GRIA4: variants seen among roughly 807,000 people sequenced by gnomAD.
GRIA4 encodes the protein glutamate ionotropic receptor AMPA type subunit 4, also known as glutamate receptor 4.
GRIA4 carries 34 observed loss-of-function variants against 104.0 expected under a neutral mutation model. The observed-to-expected ratio is 0.33, with a 90% confidence interval of 0.25 to 0.44. GRIA4 has a LOEUF of 0.44. Among genes scored for constraint, GRIA4 ranks in the 20% least tolerant of loss-of-function variants. GRIA4 has a pLI of 1.00. For synonymous variants in GRIA4, 386 were observed against 381.9 expected (o/e 1.01, Z -0.13); for missense variants, 750 against 1,096.5 (o/e 0.68, Z 4.46).
intron 14 of GRIA4, among the ~76,000 whole-genome samples, chr11:105,934,741 T>C (rs185392785): frequency 2.5e-4 from 38 of 152,300 alleles, no homozygotes; most frequent in Admixed American, 1.9e-3. Flanking sequence ...TTCATCCTTT[T>C]GGTCCTGGAC....
chr11:105,622,026 G>A (rs781327947), intron 3 of GRIA4, among the ~76,000 whole-genome samples: 60 of 151,012 alleles, frequency 4.0e-4, no homozygotes, highest in African/African-American at 6.3e-4. Flanking sequence ...TTTCTTTCTC[G>A]GTTGTGAGAG....
At chr11:105,800,226 T>A (rs1591277517) in intron 4 of GRIA4, among the ~76,000 whole-genome samples, 1 of 152,082 alleles carries the variant, frequency 6.6e-6, no homozygotes, top group East Asian at 1.9e-4. Flanking sequence ...TTTGCCAATG[T>A]CAAAGGTATA....
chr11:105,699,754 A>T (rs1326990837), intron 3 of GRIA4, among the ~76,000 whole-genome samples: 1 of 152,076 alleles, frequency 6.6e-6, no homozygotes, highest in Non-Finnish European at 1.5e-5. Context: ...CAGTTTAAAC[A>T]TCACCTTATC....
At chr11:105,852,419 A>G (rs984172646) in intron 4 of GRIA4, among the ~76,000 whole-genome samples, 90 of 152,302 alleles carry the variant, frequency 5.9e-4, no homozygotes, top group African/African-American at 2.0e-3. Context: ...TCCTACATTA[A>G]TCTTCTTCAT....
intron 14 of GRIA4, among the ~76,000 whole-genome samples, chr11:105,935,602 G>A (rs1212103504): frequency 2.0e-5 from 3 of 152,114 alleles, no homozygotes; most frequent in African/African-American, 7.2e-5. Flanking sequence ...AGGGAAAAAT[G>A]CAATGGTGAT....
chr11:105,700,954 A>C (rs1953467181), intron 3 of GRIA4, among the ~76,000 whole-genome samples: 1 of 152,150 alleles, frequency 6.6e-6, no homozygotes, highest in African/African-American at 2.4e-5. Context: ...ATCCATGAAC[A>C]TTTATGCCTC....
chr11:105,880,209 A>G (rs995905783), intron 5 of GRIA4, among the ~76,000 whole-genome samples: 1 of 152,230 alleles, frequency 6.6e-6, no homozygotes, highest in Non-Finnish European at 1.5e-5. Context: ...AATATTTTAA[A>G]TCACTAAATT....
intron 10 of GRIA4, chr11:105,913,199 C>T (rs1947305622): frequency 1.9e-5 from 7 of 366,994 alleles, no homozygotes; most frequent in Non-Finnish European, 2.3e-5. Flanking sequence ...ATCCTGCACT[C>T]AATGAAACTT....
At chr11:105,794,699 C>G (rs1342120410) in intron 4 of GRIA4, among the ~76,000 whole-genome samples, 2 of 149,926 alleles carry the variant, frequency 1.3e-5, no homozygotes, top group African/African-American at 4.9e-5. Flanking sequence ...AGATCTGAGA[C>G]CTGTCCTTAC....
chr11:105,948,594 T>G (rs556472907), intron 14 of GRIA4, among the ~76,000 whole-genome samples: 3 of 108,142 alleles, frequency 2.8e-5, no homozygotes, highest in African/African-American at 1.0e-4. Flanking sequence ...CTTTTCTTTT[T>G]GTTTTTTTTT....
intron 3 of GRIA4, among the ~76,000 whole-genome samples, chr11:105,713,159 G>A (rs1026141095): frequency 2.0e-5 from 3 of 152,082 alleles, no homozygotes; most frequent in African/African-American, 7.2e-5. Context: ...TAGGCAGGTG[G>A]ATCACTTGAG....
chr11:105,780,802 G>A lies in GRIA4; in HGVS notation c.487+27582G>A, dbSNP rs141258205. 6.9e-3 allele frequency among the ~76,000 whole-genome samples: 1,056 copies of A among 152,214 alleles called. 22 individuals are homozygous for A. Among genetic ancestry groups the A allele is most frequent in the African/African-American group, 0.024 (1,017 of 41,536 alleles). ...CAATGAAAATCATGCACTTTAGTCTGCAGGGAACTTGGCACACTCCAAACA... is the reference window on the plus strand; with the variant it reads ...CAATGAAAATCATGCACTTTAGTCTACAGGGAACTTGGCACACTCCAAACA... On this transcript the variant is annotated intron_variant, in intron 4 of 16. Transcript: ENST00000282499.
intron 3 of GRIA4, among the ~76,000 whole-genome samples, chr11:105,722,163 G>A (rs1937865887): frequency 6.6e-6 from 1 of 151,958 alleles, no homozygotes; most frequent in South Asian, 2.1e-4. Flanking sequence ...ATATTATTGA[G>A]GTAAGAATAT....
At chr11:105,792,468 GCACCATTT>G (rs1297598746) in intron 4 of GRIA4, among the ~76,000 whole-genome samples, 1 of 151,996 alleles carries the variant, frequency 6.6e-6, no homozygotes, top group Non-Finnish European at 1.5e-5. Flanking sequence ...ATTATAAGAA[GCACCATTT>G]CTTCAAGAAT....
At chr11:105,909,394 T>C (rs1947153893) in intron 9 of GRIA4, among the ~76,000 whole-genome samples, 1 of 152,208 alleles carries the variant, frequency 6.6e-6, no homozygotes, top group South Asian at 2.1e-4. Context: ...GAAAGAAGTT[T>C]GTCACGCATT....
chr11:105,635,721 T>C (rs984251010), intron 3 of GRIA4, among the ~76,000 whole-genome samples: 1 of 152,186 alleles, frequency 6.6e-6, no homozygotes, highest in African/African-American at 2.4e-5. Context: ...GTGACCCTCA[T>C]CATCAGTGCA....
intron 14 of GRIA4, among the ~76,000 whole-genome samples, chr11:105,940,152 G>A (rs771082348): frequency 6.6e-6 from 1 of 152,094 alleles, no homozygotes; most frequent in Non-Finnish European, 1.5e-5. Flanking sequence ...ATCAGTTAAG[G>A]TCAGGAGTTC....
chr11:105,679,251 T>C (rs568742067), intron 3 of GRIA4, among the ~76,000 whole-genome samples: 1 of 152,290 alleles, frequency 6.6e-6, no homozygotes, highest in East Asian at 1.9e-4. Context: ...AACCACGTTA[T>C]GGAGGACAGT....
At chr11:105,684,433 T>C (rs1013170641) in intron 3 of GRIA4, among the ~76,000 whole-genome samples, 15 of 151,734 alleles carry the variant, frequency 9.9e-5, no homozygotes, top group African/African-American at 3.4e-4. Context: ...TTTCAATTGC[T>C]AAAATAAAGT....
Sources: allele counts gnomAD v4.1 joint callset (sites outside exome capture counted in the v4.1 genomes callset), GRCh38; gene constraint gnomAD v4.1.1; transcripts MANE v1.5; gene names NCBI Gene and HGNC (gene_info 2026-07-23, HGNC 2026-07-21).